Variants in GNAL observed in about 807,000 individuals in gnomAD.
The protein encoded by GNAL is G protein subunit alpha L.
Under a neutral mutation model 55.1 loss-of-function variants are expected in GNAL, and 18 were observed. That is an observed-to-expected ratio of 0.33 (90% confidence interval 0.23 to 0.48). The LOEUF (loss-of-function observed/expected upper bound fraction) is 0.48. GNAL is among the 20% of genes least tolerant of loss of function. GNAL has a pLI of 0.99. For synonymous variants in GNAL, 253 were observed against 237.0 expected (o/e 1.07, Z -0.62); for missense variants, 412 against 614.1 (o/e 0.67, Z 3.48).
chr18:11,765,322 C>T (rs1305163558), intron 4 of GNAL, among the ~76,000 whole-genome samples: 2 of 152,084 alleles, frequency 1.3e-5, no homozygotes, highest in Non-Finnish European at 2.9e-5. Flanking sequence ...TTATAGGGTA[C>T]GTGTGATATT....
At chr18:11,713,945 G>A (rs1002124344) in intron 1 of GNAL, among the ~76,000 whole-genome samples, 34 of 152,300 alleles carry the variant, frequency 2.2e-4, no homozygotes, top group African/African-American at 7.9e-4. Context: ...TCTAAAGGGC[G>A]AGGCCTAACA....
chr18:11,712,525 T>C (rs1403987190), intron 1 of GNAL, among the ~76,000 whole-genome samples: 1 of 152,260 alleles, frequency 6.6e-6, no homozygotes, highest in Non-Finnish European at 1.5e-5. Flanking sequence ...TGGGACTTTC[T>C]ATTTTGCCAT....
rs534415280 is a variant in GNAL at position 11,882,941 on chromosome 18, A to G, written c.*1806A>G. 2.4e-4 allele frequency: 36 copies of G among 148,466 alleles called. No homozygotes were observed. Among genetic ancestry groups the G allele is most frequent in the Admixed American group, 2.2e-3 (33 of 14,822 alleles). The allele number at this position is 148,466 out of a possible 1,614,324, so 9.2% of individuals were successfully genotyped here. On this transcript the variant is annotated 3_prime_UTR_variant, in exon 12 of 12. Coordinates refer to ENST00000334049, the MANE Select transcript of GNAL (RefSeq NM_182978.4). ...CTTCATATTCTAGCTGTAGCCACAG[A>G]GTTGAGGGTAGTTTTTGTAGGTCTA...
chr18:11,830,452 A>C (rs1288114807), intron 5 of GNAL, among the ~76,000 whole-genome samples: 1 of 152,038 alleles, frequency 6.6e-6, no homozygotes, highest in Non-Finnish European at 1.5e-5. Context: ...GAAGGTAATA[A>C]TTCTAAGACC....
At chr18:11,764,222 A>C (rs1224098614) in intron 4 of GNAL, among the ~76,000 whole-genome samples, 1 of 152,056 alleles carries the variant, frequency 6.6e-6, no homozygotes, top group African/African-American at 2.4e-5. Flanking sequence ...CTCCTGCCTC[A>C]GCCTCCTGAG....
chr18:11,781,688 A>G (rs1224012454), intron 4 of GNAL, among the ~76,000 whole-genome samples: 2 of 152,338 alleles, frequency 1.3e-5, no homozygotes, highest in South Asian at 2.1e-4. Flanking sequence ...ATCATTTTAT[A>G]TACTGAGGAG....
chr18:11,730,127 A>G (rs1598415832), intron 1 of GNAL, among the ~76,000 whole-genome samples: 1 of 147,936 alleles, frequency 6.8e-6, no homozygotes, highest in African/African-American at 2.5e-5. Context: ...TCTGCCTCCC[A>G]GGTTCACAAC....
chr18:11,739,752 CACCTGTGGAA>C (rs2032536601), intron 1 of GNAL, among the ~76,000 whole-genome samples: 1 of 151,954 alleles, frequency 6.6e-6, no homozygotes, highest in Admixed American at 6.6e-5. Flanking sequence ...CCCGGGGTCT[CACCTGTGGAA>C]ACCTGTGATG....
rs554369940 is a variant in GNAL, at chr18:11,712,195, C to T, written c.376+22256C>T. Among the ~76,000 whole-genome samples the T allele has an allele frequency of 4.1e-4, 63 of 152,172 alleles. 1 individual carries two copies. Among genetic ancestry groups the T allele is most frequent in the Non-Finnish European group, 7.1e-4 (48 of 68,030 alleles). ...TTAAACTATTCTTTGTCCCTCAGCA[C>T]GCTGGGTGAAGCAAGATATAAATTG... On this transcript the variant is annotated intron_variant, in intron 1 of 11. Transcript: ENST00000334049.
intron 1 of GNAL, among the ~76,000 whole-genome samples, chr18:11,731,387 G>A (rs2032336919): frequency 6.6e-6 from 1 of 152,210 alleles, no homozygotes; most frequent in Admixed American, 6.5e-5. Flanking sequence ...GACCTCAGGT[G>A]ATCCACCCGC....
chr18:11,759,323 T>G (rs977469716), intron 4 of GNAL, among the ~76,000 whole-genome samples: 3 of 152,260 alleles, frequency 2.0e-5, no homozygotes, highest in Non-Finnish European at 2.9e-5. Flanking sequence ...ATGTGGATAC[T>G]TTATTAGCTC....
At chr18:11,699,746 G>A (rs529601096) in intron 1 of GNAL, among the ~76,000 whole-genome samples, 3 of 152,264 alleles carry the variant, frequency 2.0e-5, no homozygotes, top group East Asian at 1.9e-4. Context: ...CAGGGAAACC[G>A]CTCCCTATGA....
At position 11,690,595 on chromosome 18, in the gene GNAL, G is replaced by A. The variant is rs200059212; in HGVS notation, c.376+656G>A. Among the ~76,000 whole-genome samples the A allele has an allele frequency of 1.6e-3, 224 of 144,122 alleles. 5 individuals are homozygous for A. In the East Asian group the frequency reaches 0.03, roughly 19 times the overall value. The allele number at this position is 144,122 out of a possible 152,430, so 94.5% of individuals were successfully genotyped here. ...TTTAGCATTAGGTATATCTCCTAAA[G>A]CTATCCCTCCCCCCTCCCCCCACCC... is the stretch of plus-strand genomic sequence containing the variant. On this transcript the variant is annotated intron_variant, in intron 1 of 11. Transcript: ENST00000334049.
chr18:11,819,890 G>T (rs2035049288), intron 4 of GNAL, among the ~76,000 whole-genome samples: 1 of 151,732 alleles, frequency 6.6e-6, no homozygotes, highest in Non-Finnish European at 1.5e-5. Context: ...CAAGAGAAAA[G>T]ACATACAAAT....
intron 4 of GNAL, among the ~76,000 whole-genome samples, chr18:11,809,976 A>G (rs2034767146): frequency 6.6e-6 from 1 of 152,238 alleles, no homozygotes; most frequent in Admixed American, 6.5e-5. Flanking sequence ...TTCCTTTTGT[A>G]TGTATGTGGA....
chr18:11,870,818 G>T (rs982377977), intron 9 of GNAL, among the ~76,000 whole-genome samples: 4 of 152,128 alleles, frequency 2.6e-5, no homozygotes, highest in African/African-American at 9.7e-5. Flanking sequence ...AAAAGTTTTG[G>T]ATTATCAGAA....
chr18:11,811,856 G>T (rs1471993263), intron 4 of GNAL, among the ~76,000 whole-genome samples: 1 of 152,214 alleles, frequency 6.6e-6, no homozygotes, highest in East Asian at 1.9e-4. Context: ...ATTCAAGCTT[G>T]ATGTTCCAAG....
At chr18:11,839,514 C>G (rs1332349699) in intron 5 of GNAL, among the ~76,000 whole-genome samples, 1 of 145,244 alleles carries the variant, frequency 6.9e-6, no homozygotes, top group African/African-American at 2.6e-5. Context: ...GATCAAGTCA[C>G]TGCACTCCAG....
intron 4 of GNAL, among the ~76,000 whole-genome samples, chr18:11,803,845 T>C (rs113120594): frequency 6.7e-6 from 1 of 149,496 alleles, no homozygotes; most frequent in African/African-American, 2.5e-5. Flanking sequence ...TACTGTGTAG[T>C]GGTGAAGTAC....
Sources: allele counts gnomAD v4.1 joint callset (sites outside exome capture counted in the v4.1 genomes callset), GRCh38; gene constraint gnomAD v4.1.1; transcripts MANE v1.5; gene names NCBI Gene and HGNC (gene_info 2026-07-23, HGNC 2026-07-21).